CNTNAP4: variants seen among roughly 807,000 people sequenced by gnomAD.
CNTNAP4 encodes contactin associated protein family member 4.
CNTNAP4 carries 98 observed loss-of-function variants against 148.4 expected under a neutral mutation model. That is an observed-to-expected ratio of 0.66 (90% confidence interval 0.56 to 0.78). The LOEUF is 0.78. Among genes scored for constraint, CNTNAP4 ranks in the 30% least tolerant of loss-of-function variants. CNTNAP4 has a pLI of 0.00. For synonymous variants in CNTNAP4, 730 were observed against 565.1 expected (o/e 1.29, Z -4.14); for missense variants, 1,935 against 1,565.6 (o/e 1.24, Z -3.98).
chr16:76,489,688 A>ACAG lies in CNTNAP4; in HGVS notation c.1886_1887insAGC (p.Ala630dup). ...CTCCCCCCATTTCTGCATACAAGAA[A>ACAG]CTGCATGGACCATCATACAGCACAA... On this transcript the variant is annotated inframe_insertion, in exon 13 of 24. Transcript: ENST00000611870. The ACAG allele has an allele frequency of 6.5e-7, 1 of 1,544,176 alleles. No individual in the cohort carries two copies. The highest frequency in any genetic ancestry group is 8.8e-7 in the Non-Finnish European group (1 of 1,134,102).
intron 8 of CNTNAP4, among the ~76,000 whole-genome samples, chr16:76,460,773 A>ATAAATATATATATAT (rs1555564517): frequency 1.7e-5 from 1 of 57,324 alleles, no homozygotes; most frequent in African/African-American, 6.4e-5. Context: ...AAAAAAAAAA[A>ATAAATATATATATAT]ATATATATAT....
At chr16:76,284,686 A>G (rs1346770798) in intron 1 of CNTNAP4, among the ~76,000 whole-genome samples, 1 of 152,024 alleles carries the variant, frequency 6.6e-6, no homozygotes, top group Non-Finnish European at 1.5e-5. Context: ...TTGATGTCTA[A>G]GAGTTTAACA....
intron 3 of CNTNAP4, among the ~76,000 whole-genome samples, chr16:76,399,610 G>C (rs1179938281): frequency 1.3e-5 from 2 of 152,146 alleles, no homozygotes; most frequent in Admixed American, 6.6e-5. Context: ...AAAGGAAAGA[G>C]ACTAATAGTA....
intron 15 of CNTNAP4, among the ~76,000 whole-genome samples, chr16:76,518,933 A>C (rs2083355016): frequency 6.6e-6 from 1 of 152,136 alleles, no homozygotes; most frequent in Admixed American, 6.5e-5. Flanking sequence ...CCTAATCCAT[A>C]GAATGCTGTC....
intron 3 of CNTNAP4, among the ~76,000 whole-genome samples, chr16:76,423,081 A>T (rs931947729): frequency 1.3e-5 from 2 of 152,170 alleles, no homozygotes; most frequent in African/African-American, 4.8e-5. Flanking sequence ...GCATTCTATG[A>T]AACATGAAGT....
chr16:76,487,920 A>G (rs77184690), intron 12 of CNTNAP4, among the ~76,000 whole-genome samples: 2,229 of 152,238 alleles, frequency 0.015, 47 homozygotes, highest in African/African-American at 0.051. Flanking sequence ...GGGAAGTCTC[A>G]CTCAGTGTGA....
At chr16:76,517,661 TTTA>T (rs2083300518) in intron 15 of CNTNAP4, among the ~76,000 whole-genome samples, 1 of 152,254 alleles carries the variant, frequency 6.6e-6, no homozygotes, top group South Asian at 2.1e-4. Context: ...TATAAACAGC[TTTA>T]TTGATATCAA....
intron 7 of CNTNAP4, among the ~76,000 whole-genome samples, chr16:76,451,596 TA>T (rs1457087856): frequency 7.3e-6 from 1 of 136,360 alleles, no homozygotes; most frequent in East Asian, 2.2e-4. Context: ...ATATTTTAGA[TA>T]GATGTGTGTG....
chr16:76,344,582 C>T (rs939249316), intron 2 of CNTNAP4, among the ~76,000 whole-genome samples: 7 of 152,086 alleles, frequency 4.6e-5, no homozygotes, highest in African/African-American at 7.2e-5. Flanking sequence ...AGTTCTAAAC[C>T]GCTGAGTCTG....
rs756839864 is a variant in CNTNAP4 at position 76,449,697 on chromosome 16, G to A, written c.928-18G>A. On this transcript the variant is annotated intron_variant, in intron 6 of 23. Coordinates refer to ENST00000611870, the MANE Select transcript of CNTNAP4 (RefSeq NM_033401.5). ...AAAATCACTAAACAATATTATTGAT[G>A]CCATTTTTCTTTCTAAGATCAGCTT... The A allele has an allele frequency of 9.7e-6, 15 of 1,540,232 alleles. No homozygotes were observed. The highest frequency in any genetic ancestry group is 6.3e-5 in the South Asian group (5 of 79,152).
chr16:76,558,404 T>A, intron 23 of CNTNAP4, 86 bp from the exon 24 acceptor site: 1 of 709,552 alleles, frequency 1.4e-6, no homozygotes, highest in Non-Finnish European at 2.4e-6. Context: ...TGGAAAATAG[T>A]GTTATGATGA....
intron 21 of CNTNAP4, among the ~76,000 whole-genome samples, chr16:76,541,513 G>T (rs772843436): frequency 6.6e-6 from 1 of 152,160 alleles, no homozygotes; most frequent in East Asian, 1.9e-4. Context: ...GAGGAGAGGG[G>T]GGCTCTTGTA....
chr16:76,460,773 A>AAAAAAAAATATATATATATATAT, intron 8 of CNTNAP4, among the ~76,000 whole-genome samples: 4 of 57,318 alleles, frequency 7.0e-5, no homozygotes, highest in South Asian at 6.2e-4. Flanking sequence ...AAAAAAAAAA[A>AAAAAAAAATATATATATATATAT]ATATATATAT....
intron 3 of CNTNAP4, among the ~76,000 whole-genome samples, chr16:76,404,949 A>G (rs1190536586): frequency 2.0e-5 from 3 of 152,172 alleles, no homozygotes; most frequent in Non-Finnish European, 4.4e-5. Context: ...TCTTTCTACA[A>G]TGTATGCAAA....
At chr16:76,333,041 A>C (rs1189679209) in intron 2 of CNTNAP4, among the ~76,000 whole-genome samples, 1 of 152,214 alleles carries the variant, frequency 6.6e-6, no homozygotes, top group East Asian at 1.9e-4. Context: ...ACTCATTAAC[A>C]GATGTTTCTT....
At chr16:76,441,123 G>T (rs552982881) in intron 4 of CNTNAP4, among the ~76,000 whole-genome samples, 2 of 152,170 alleles carry the variant, frequency 1.3e-5, no homozygotes, top group East Asian at 1.9e-4. Flanking sequence ...ATACCCAGCC[G>T]TGATACAAAA....
chr16:76,451,127 C>CAT (rs1446541364), intron 7 of CNTNAP4, among the ~76,000 whole-genome samples: 1 of 152,130 alleles, frequency 6.6e-6, no homozygotes, highest in Admixed American at 6.5e-5. Flanking sequence ...AGAGATGGGC[C>CAT]ATAGTGCAGG....
intron 2 of CNTNAP4, among the ~76,000 whole-genome samples, chr16:76,350,444 G>C (rs1027688301): frequency 2.6e-5 from 4 of 152,046 alleles, no homozygotes; most frequent in African/African-American, 9.7e-5. Flanking sequence ...AGCGTGCTTA[G>C]CATACAATAG....
intron 3 of CNTNAP4, among the ~76,000 whole-genome samples, chr16:76,405,315 G>A (rs781296208): frequency 2.6e-5 from 4 of 152,126 alleles, no homozygotes; most frequent in Non-Finnish European, 4.4e-5. Context: ...CACTATAATT[G>A]CTAAGTAAAA....
Sources: gnomAD v4.1 joint callset for allele counts (sites outside exome capture counted in the v4.1 genomes callset) on GRCh38, gnomAD v4.1.1 for gene constraint, MANE v1.5 for transcripts, NCBI Gene and HGNC (gene_info 2026-07-23, HGNC 2026-07-21) for gene names.